SDK1: variants seen among roughly 807,000 people sequenced by gnomAD.
The protein encoded by SDK1 is sidekick cell adhesion molecule 1, also known as protein sidekick-1.
In SDK1, 157 loss-of-function variants were observed where a neutral mutation model predicts 245.5. The observed-to-expected ratio is 0.64, with a 90% CI of 0.56 to 0.73. The LOEUF (loss-of-function observed/expected upper bound fraction) is 0.73, where lower values mean the gene tolerates loss of function less well. Ranked by LOEUF, SDK1 falls within the 30% of genes least tolerant of loss-of-function variation. SDK1 has a pLI of 0.00. For missense variants in SDK1, 3,583 were observed against 3,002.3 expected, an observed-to-expected ratio of 1.19 and a Z score of -4.52; for synonymous variants, 1,647 against 1,278.5, an observed-to-expected ratio of 1.29 and a Z score of -6.15.
intron 7 of SDK1, among the ~76,000 whole-genome samples, chr7:3,956,622 C>T (rs144200971): frequency 2.0e-5 from 3 of 152,318 alleles, no homozygotes; most frequent in Non-Finnish European, 4.4e-5. Flanking sequence ...TAAAACTGCC[C>T]AGGACATTGG....
rs377737926 is a variant in SDK1 at position 3,467,917 on chromosome 7, G to A, written c.299-151163G>A. Among the ~76,000 whole-genome samples the A allele has an allele frequency of 9.2e-5, 14 of 151,958 alleles. No individual in the cohort carries two copies. In the East Asian group the frequency reaches 2.1e-3, roughly 23 times the overall value. On this transcript the variant is annotated intron_variant, in intron 1 of 44. Coordinates refer to ENST00000404826, the MANE Select transcript of SDK1 (RefSeq NM_152744.4). ...AAGTTTATTAGAGATCTTTTATGTA[G>A]TTATTAGGTTTTCTGGCTTTCTAAT...
intron 1 of SDK1, among the ~76,000 whole-genome samples, chr7:3,409,530 A>G (rs1001034531): frequency 1.3e-5 from 2 of 152,064 alleles, no homozygotes; most frequent in African/African-American, 4.8e-5. Context: ...TTTTCCGCAA[A>G]TGTACATTTA....
intron 4 of SDK1, among the ~76,000 whole-genome samples, chr7:3,764,082 G>A (rs1780182706): frequency 6.6e-6 from 1 of 152,082 alleles, no homozygotes; most frequent in African/African-American, 2.4e-5. Flanking sequence ...GGGACCCTGG[G>A]GGTCAAAGCT....
intron 1 of SDK1, among the ~76,000 whole-genome samples, chr7:3,589,272 G>A (rs1780785810): frequency 6.6e-6 from 1 of 152,058 alleles, no homozygotes; most frequent in Non-Finnish European, 1.5e-5. Context: ...GCCTTTTGAC[G>A]TCAGTACTGG....
intron 4 of SDK1, among the ~76,000 whole-genome samples, chr7:3,672,427 C>T (rs1174205124): frequency 6.6e-6 from 1 of 151,020 alleles, no homozygotes; most frequent in East Asian, 2.0e-4. Context: ...ACTTCTACTG[C>T]AAACTCTTGA....
At chr7:3,473,688 T>C (rs75727487) in intron 1 of SDK1, among the ~76,000 whole-genome samples, 1 of 149,130 alleles carries the variant, frequency 6.7e-6, no homozygotes, top group Non-Finnish European at 1.5e-5. Context: ...TTTTTTTTTT[T>C]CCATTTTATC....
intron 1 of SDK1, among the ~76,000 whole-genome samples, chr7:3,587,002 G>C (rs190636950): frequency 1.2e-4 from 19 of 152,156 alleles, no homozygotes; most frequent in Admixed American, 1.2e-3. Context: ...GCTAACTTGA[G>C]GTGGAGGAGG....
chr7:3,667,096 C>A (rs1252826466), intron 4 of SDK1, among the ~76,000 whole-genome samples: 1 of 152,054 alleles, frequency 6.6e-6, no homozygotes, highest in Non-Finnish European at 1.5e-5. Context: ...ATAAAAATCC[C>A]AATGAATTGT....
At chr7:4,210,259 C>T in intron 38 of SDK1, 97 bp downstream of exon 38, 1 of 1,230,118 alleles carries the variant, frequency 8.1e-7, no homozygotes, top group Non-Finnish European at 1.1e-6. Flanking sequence ...CTTCTGTGGG[C>T]CAGGAGCCTT....
chr7:4,233,259 A>G lies in SDK1; in HGVS notation c.5832A>G (p.Glu1944=). The G allele has an allele frequency of 6.2e-7, 1 of 1,612,100 alleles. No individual in the cohort carries two copies. The highest frequency in any genetic ancestry group is 8.5e-7 in the Non-Finnish European group (1 of 1,178,824). ...GYVIEARPSD[E]GLWDMFVKDI... is the part of the protein sequence containing the mutation. ...GCCTCCCCATCCCTCTTGCAGATGA[A>G]GGCTTATGGGACATGTTTGTGAAGG... Residue 1944 remains glutamate (E), a synonymous_variant, in exon 41 of 45, where the codon GAA becomes GAG. Coordinates refer to ENST00000404826, the MANE Select transcript of SDK1 (RefSeq NM_152744.4).
intron 4 of SDK1, among the ~76,000 whole-genome samples, chr7:3,804,527 T>G (rs1779192142): frequency 6.6e-6 from 1 of 152,224 alleles, no homozygotes; most frequent in South Asian, 2.1e-4. Flanking sequence ...TGCTTCTTTT[T>G]CAAAATTGTT....
At chr7:3,949,874 G>A (rs1051572878) in intron 5 of SDK1, among the ~76,000 whole-genome samples, 1 of 152,172 alleles carries the variant, frequency 6.6e-6, no homozygotes, top group African/African-American at 2.4e-5. Flanking sequence ...TAACAGAACT[G>A]AACCCTTTGT....
At chr7:3,978,194 T>C (rs1253500061) in intron 13 of SDK1, among the ~76,000 whole-genome samples, 1 of 152,100 alleles carries the variant, frequency 6.6e-6, no homozygotes, top group Non-Finnish European at 1.5e-5. Context: ...CCTTAGATCA[T>C]CCATCGTTGG....
chr7:3,487,622 G>T (rs2128604113), intron 1 of SDK1, among the ~76,000 whole-genome samples: 1 of 152,038 alleles, frequency 6.6e-6, no homozygotes, highest in Middle Eastern at 3.4e-3. Context: ...AGGCATGGTA[G>T]CTTGCACCTG....
chr7:3,693,484 C>T (rs1395394913), intron 4 of SDK1, among the ~76,000 whole-genome samples: 3 of 152,156 alleles, frequency 2.0e-5, no homozygotes, highest in Non-Finnish European at 4.4e-5. Context: ...AACATTGCCC[C>T]ATTTCCTCCA....
Position 3,674,727 on chromosome 7 carries a change from A to G in SDK1, c.713+32622A>G, listed in dbSNP as rs185749569. 1.7e-3 allele frequency among the ~76,000 whole-genome samples: 259 copies of G among 152,226 alleles called. 2 individuals are homozygous for G. The highest frequency in any genetic ancestry group is 5.8e-3 in the African/African-American group (240 of 41,538). On this transcript the variant is annotated intron_variant, in intron 4 of 44. Coordinates refer to ENST00000404826, the MANE Select transcript of SDK1 (RefSeq NM_152744.4). ...GAGCCCTGATGTGTAGCTTTTTCCA[A>G]TTTTCATGGTGTGAATACTCCCACC...
intron 38 of SDK1, among the ~76,000 whole-genome samples, chr7:4,212,103 T>A (rs1784543340): frequency 6.6e-6 from 1 of 152,154 alleles, no homozygotes; most frequent in African/African-American, 2.4e-5. Flanking sequence ...ACTGTAAAAA[T>A]TATAGATTAT....
intron 14 of SDK1, among the ~76,000 whole-genome samples, chr7:4,000,070 A>C (rs1366840923): frequency 6.6e-6 from 1 of 152,170 alleles, no homozygotes; most frequent in Non-Finnish European, 1.5e-5. Flanking sequence ...CAGGAGGCTG[A>C]GGGCCTGGAG....
At chr7:3,863,460 A>C (rs887448471) in intron 5 of SDK1, among the ~76,000 whole-genome samples, 1 of 152,190 alleles carries the variant, frequency 6.6e-6, no homozygotes, top group African/African-American at 2.4e-5. Flanking sequence ...CTATGTTTGC[A>C]TGTACAACTT....
Sources: allele counts gnomAD v4.1 joint callset (sites outside exome capture counted in the v4.1 genomes callset), GRCh38; gene constraint gnomAD v4.1.1; transcripts MANE v1.5; gene names NCBI Gene and HGNC (gene_info 2026-07-23, HGNC 2026-07-21).